The following EXOC4 variants were observed in gnomAD, a reference collection of about 807,000 sequenced individuals.
The protein encoded by EXOC4 is exocyst complex component 4.
A neutral mutation model predicts 107.2 loss-of-function variants in EXOC4; 71 were observed. That is an observed-to-expected ratio of 0.66 (90% CI 0.55 to 0.81). EXOC4 has a LOEUF of 0.81. EXOC4 is among the 30% of genes least tolerant of loss of function. The pLI is 0.00. For missense variants in EXOC4, 1,108 were observed against 1,189.6 expected (o/e 0.93, Z 1.01); for synonymous variants, 456 against 441.2 (o/e 1.03, Z -0.42).
intron 11 of EXOC4, among the ~76,000 whole-genome samples, chr7:133,887,414 A>C (rs2116478900): frequency 6.6e-6 from 1 of 152,324 alleles, no homozygotes; most frequent in East Asian, 1.9e-4. Flanking sequence ...ATGGACAAAA[A>C]GAAAAGAGGA....
chr7:133,529,795 G>T (rs907149801), intron 9 of EXOC4, among the ~76,000 whole-genome samples: 1 of 152,100 alleles, frequency 6.6e-6, no homozygotes, highest in Admixed American at 6.6e-5. Context: ...ACTTTTATCT[G>T]GAGATTCAGA....
At chr7:134,093,847 G>A in the EXOC4 span, among the ~76,000 whole-genome samples, 1 of 152,066 alleles carries the variant, frequency 6.6e-6, no homozygotes, top group Non-Finnish European at 1.5e-5. Context: ...ACAAAATCAA[G>A]ACAGAAATAA....
intron 9 of EXOC4, among the ~76,000 whole-genome samples, chr7:133,594,493 C>CTTTTCTTTTTTTT (rs1801618990): frequency 1.1e-5 from 1 of 90,356 alleles, no homozygotes; most frequent in Non-Finnish European, 2.0e-5. Flanking sequence ...AAGCTTGAGT[C>CTTTTCTTTTTTTT]TTTTTTTTTT....
intron 9 of EXOC4, among the ~76,000 whole-genome samples, chr7:133,481,868 C>T (rs1372806273): frequency 1.3e-5 from 2 of 152,176 alleles, no homozygotes; most frequent in Non-Finnish European, 2.9e-5. Flanking sequence ...CATGCTCTAG[C>T]AGGCTTTCTC....
chr7:134,005,363 G>A (rs1794622590), intron 16 of EXOC4, among the ~76,000 whole-genome samples: 1 of 152,154 alleles, frequency 6.6e-6, no homozygotes. Flanking sequence ...GAGAGAATGT[G>A]CAGACTGGGC....
intron 17 of EXOC4, among the ~76,000 whole-genome samples, chr7:134,038,149 T>G (rs1795434603): frequency 6.6e-6 from 1 of 152,214 alleles, no homozygotes; most frequent in African/African-American, 2.4e-5. Flanking sequence ...CAGTATCGAT[T>G]GTATAAGGAT....
intron 9 of EXOC4, among the ~76,000 whole-genome samples, chr7:133,523,999 G>T (rs1247176171): frequency 6.7e-6 from 1 of 149,534 alleles, no homozygotes; most frequent in African/African-American, 2.5e-5. Flanking sequence ...TCTAGTTCTA[G>T]ATCCCTGAGG....
intron 11 of EXOC4, among the ~76,000 whole-genome samples, chr7:133,867,899 G>T (rs1585210461): frequency 6.6e-6 from 1 of 152,202 alleles, no homozygotes; most frequent in African/African-American, 2.4e-5. Flanking sequence ...TTACTGTATG[G>T]TTTAAGGGAT....
chr7:133,946,416 G>C (rs1800551365), intron 14 of EXOC4, among the ~76,000 whole-genome samples: 1 of 152,064 alleles, frequency 6.6e-6, no homozygotes, highest in African/African-American at 2.4e-5. Context: ...CTTCTGTTGA[G>C]CCTTTCTCTC....
chr7:133,847,333 A>G (rs923746333), intron 11 of EXOC4, among the ~76,000 whole-genome samples: 2 of 151,710 alleles, frequency 1.3e-5, no homozygotes, highest in Non-Finnish European at 2.9e-5. Flanking sequence ...AGCAAGGGCA[A>G]TTTTTCTAGA....
At chr7:133,404,512 G>A (rs1322503404) in intron 7 of EXOC4, among the ~76,000 whole-genome samples, 1 of 152,040 alleles carries the variant, frequency 6.6e-6, no homozygotes, top group African/African-American at 2.4e-5. Context: ...TTTCTTGGTG[G>A]GGTCCTTTCT....
intron 9 of EXOC4, among the ~76,000 whole-genome samples, chr7:133,531,447 A>C (rs183527573): frequency 2.5e-4 from 38 of 152,258 alleles, no homozygotes; most frequent in Admixed American, 9.2e-4. Flanking sequence ...TCATTGAGTG[A>C]ATTTATATCC....
chr7:133,603,651 A>T (rs1267083500), intron 9 of EXOC4, among the ~76,000 whole-genome samples: 2 of 152,224 alleles, frequency 1.3e-5, no homozygotes, highest in Admixed American at 6.5e-5. Context: ...TAGAAAAGCT[A>T]CAGTAAAAAT....
chr7:133,781,761 T>C lies in EXOC4; in HGVS notation c.1515-35564T>C, dbSNP rs566368100. On this transcript the variant is annotated intron_variant, in intron 10 of 17. Coordinates refer to ENST00000253861, the MANE Select transcript of EXOC4 (RefSeq NM_021807.4). ...CAGTGACTCATCATGATCACTGGAG[T>C]GGTAGGGGGCTCAGACCCTCAACTC... Among the ~76,000 whole-genome samples the C allele has an allele frequency of 1.9e-3, 292 of 152,068 alleles. 3 individuals are homozygous for C. The highest frequency in any genetic ancestry group is 6.8e-3 in the African/African-American group (282 of 41,482).
At chr7:133,524,613 T>C (rs1800045244) in intron 9 of EXOC4, among the ~76,000 whole-genome samples, 1 of 151,120 alleles carries the variant, frequency 6.6e-6, no homozygotes, top group Admixed American at 6.6e-5. Flanking sequence ...GAATTGATTT[T>C]TGTATAAGGT....
chr7:133,609,086 T>A (rs1025945767), intron 9 of EXOC4, among the ~76,000 whole-genome samples: 2 of 152,172 alleles, frequency 1.3e-5, no homozygotes, highest in Non-Finnish European at 2.9e-5. Flanking sequence ...TTGCCTGAAT[T>A]CACATCTTTA....
chr7:133,934,854 C>T (rs1420098412), intron 13 of EXOC4, among the ~76,000 whole-genome samples: 1 of 151,584 alleles, frequency 6.6e-6, no homozygotes, highest in African/African-American at 2.4e-5. Flanking sequence ...CTTCTGGGCT[C>T]AAATCACGGA....
intron 10 of EXOC4, among the ~76,000 whole-genome samples, chr7:133,751,000 T>C (rs1033136484): frequency 9.9e-5 from 15 of 152,190 alleles, no homozygotes; most frequent in African/African-American, 3.6e-4. Flanking sequence ...CCCACACAAG[T>C]GTGTTAGTGT....
At chr7:133,761,255 G>A (rs1434464477) in intron 10 of EXOC4, among the ~76,000 whole-genome samples, 1 of 152,092 alleles carries the variant, frequency 6.6e-6, no homozygotes, top group African/African-American at 2.4e-5. Context: ...TGCATAGAGC[G>A]ACACAGATGA....
Sources: gnomAD v4.1 joint callset for allele counts (sites outside exome capture counted in the v4.1 genomes callset) on GRCh38, gnomAD v4.1.1 for gene constraint, MANE v1.5 for transcripts, NCBI Gene and HGNC (gene_info 2026-07-23, HGNC 2026-07-21) for gene names.